Variants in FBXO36 observed in about 807,000 individuals in gnomAD.
FBXO36 encodes F-box protein 36.
Under a neutral mutation model 17.0 loss-of-function variants are expected in FBXO36, and 18 were observed. That is an observed-to-expected ratio of 1.06 (90% CI 0.73 to 1.57). FBXO36 has a LOEUF of 1.57. Among genes scored for constraint, FBXO36 ranks in the 40% most tolerant of loss-of-function variants. The pLI is 0.00. For missense variants in FBXO36, 229 were observed against 221.9 expected, an observed-to-expected ratio of 1.03 and a Z score of -0.20; for synonymous variants, 83 against 85.3, an observed-to-expected ratio of 0.97 and a Z score of 0.15.
chr2:229,962,339 C>CT (rs1049857971), intron 1 of FBXO36, among the ~76,000 whole-genome samples: 10 of 149,878 alleles, frequency 6.7e-5, no homozygotes, highest in East Asian at 1.9e-4. Flanking sequence ...ATCTTTTTTT[C>CT]TTTTTTTTGA....
intron 1 of FBXO36, among the ~76,000 whole-genome samples, chr2:229,950,375 G>A (rs1207302918): frequency 6.6e-6 from 1 of 152,064 alleles, no homozygotes; most frequent in African/African-American, 2.4e-5. Flanking sequence ...GCAGTGAGCC[G>A]AGATCACTCC....
chr2:229,999,773 G>GT (rs1280288271), intron 3 of FBXO36, among the ~76,000 whole-genome samples: 20 of 151,756 alleles, frequency 1.3e-4, no homozygotes, highest in Non-Finnish European at 2.4e-4. Flanking sequence ...ATGTCACAGG[G>GT]TTTTTTTGTA....
intron 1 of FBXO36, among the ~76,000 whole-genome samples, chr2:229,959,128 T>C (rs1389715658): frequency 6.6e-6 from 1 of 152,202 alleles, no homozygotes; most frequent in Non-Finnish European, 1.5e-5. Context: ...GACTTTTTTT[T>C]CTGAATCGTA....
chr2:229,976,149 T>C, intron 1 of FBXO36, 92 bp from the exon 2 acceptor site: 1 of 827,208 alleles, frequency 1.2e-6, no homozygotes, highest in East Asian at 2.6e-5. Flanking sequence ...GTTGGACACA[T>C]AGCCTTATGC....
chr2:229,947,824 T>C (rs2077035400), intron 1 of FBXO36, among the ~76,000 whole-genome samples: 1 of 152,224 alleles, frequency 6.6e-6, no homozygotes. Flanking sequence ...ATCAGTTTTT[T>C]ATAGCTGAGT....
At chr2:229,944,586 C>G (rs1045003216) in intron 1 of FBXO36, among the ~76,000 whole-genome samples, 1 of 123,780 alleles carries the variant, frequency 8.1e-6, no homozygotes, top group Non-Finnish European at 1.6e-5. Flanking sequence ...TATTTTTTTT[C>G]TTTTTCTTTT....
chr2:230,009,873 T>C lies in FBXO36; in HGVS notation c.379-823T>C, dbSNP rs189748376. Reference sequence around the variant, plus strand: ...AAGCAGCAGAATCACTTGAACCCAGTAGGCGGAGGTTGCAGTGAGCCGAGA... The same window carrying C: ...AAGCAGCAGAATCACTTGAACCCAGCAGGCGGAGGTTGCAGTGAGCCGAGA... On this transcript the variant is annotated intron_variant, in intron 3 of 3. Transcript: ENST00000283946. Among the ~76,000 whole-genome samples, 87 of 152,030 alleles carry C rather than the reference T, an allele frequency of 5.7e-4. 2 individuals are homozygous for C. The East Asian group carries it at 0.014, about 24-fold the overall frequency.
chr2:229,934,172 C>T (rs2076952775), intron 1 of FBXO36, among the ~76,000 whole-genome samples: 1 of 151,864 alleles, frequency 6.6e-6, no homozygotes, highest in Non-Finnish European at 1.5e-5. Flanking sequence ...GAGGCTGAGG[C>T]GAGTGGATCA....
intron 2 of FBXO36, among the ~76,000 whole-genome samples, chr2:229,995,113 CA>C (rs928565008): frequency 1.1e-4 from 16 of 142,158 alleles, no homozygotes; most frequent in African/African-American, 1.8e-4. Flanking sequence ...GACTCTGTCT[CA>C]AAAAAAAAAG....
chr2:229,922,743 GA>G (rs1428456133), intron 1 of FBXO36, 134 bp downstream of exon 1: 1 of 853,274 alleles, frequency 1.2e-6, no homozygotes, highest in Admixed American at 2.8e-5. Context: ...CGCGCCGGGA[GA>G]TTTTCCTCGT....
At chr2:229,970,175 A>C (rs2077173595) in intron 1 of FBXO36, among the ~76,000 whole-genome samples, 1 of 152,156 alleles carries the variant, frequency 6.6e-6, no homozygotes, top group African/African-American at 2.4e-5. Context: ...TTTATCCCAG[A>C]GAAATGCAGA....
At chr2:229,924,099 T>C (rs2076888514) in intron 1 of FBXO36, among the ~76,000 whole-genome samples, 1 of 151,496 alleles carries the variant, frequency 6.6e-6, no homozygotes, top group Non-Finnish European at 1.5e-5. Flanking sequence ...GATTTGTTTG[T>C]TTATTTATCG....
At position 229,944,312 on chromosome 2, in the gene FBXO36, G is replaced by C. The variant is rs555736748; in HGVS notation, c.96+21703G>C. Among the ~76,000 whole-genome samples the C allele has an allele frequency of 9.8e-5, 15 of 152,304 alleles. No homozygotes were observed. In the South Asian group the frequency reaches 3.1e-3, roughly 32 times the overall value. On this transcript the variant is annotated intron_variant, in intron 1 of 3. Coordinates refer to ENST00000283946, the MANE Select transcript of FBXO36 (RefSeq NM_174899.5). ...AAATAAAGCTAGCAAACAAAGGAGA[G>C]ATTTGTGTAGACAGCCTAGACAAGT...
intron 3 of FBXO36, among the ~76,000 whole-genome samples, chr2:230,000,363 A>G (rs1447121018): frequency 6.7e-6 from 1 of 148,716 alleles, no homozygotes; most frequent in Non-Finnish European, 1.5e-5. Flanking sequence ...CTCAAAAAAA[A>G]AAAAAAAAAA....
At chr2:230,003,209 T>TAAC (rs2077369456) in intron 3 of FBXO36, among the ~76,000 whole-genome samples, 1 of 104,604 alleles carries the variant, frequency 9.6e-6, no homozygotes, top group Non-Finnish European at 1.9e-5. Flanking sequence ...GACTCCGTCT[T>TAAC]AAAAAAAAAA....
chr2:230,006,277 G>A (rs1368283788), intron 3 of FBXO36, among the ~76,000 whole-genome samples: 2 of 151,940 alleles, frequency 1.3e-5, no homozygotes, highest in African/African-American at 4.8e-5. Flanking sequence ...CGTATTTTTA[G>A]TAGAGGCGGG....
intron 2 of FBXO36, among the ~76,000 whole-genome samples, chr2:229,996,315 T>A (rs941990332): frequency 2.0e-5 from 3 of 151,432 alleles, no homozygotes; most frequent in African/African-American, 7.3e-5. Context: ...CAGCTAAAAT[T>A]AGGAGACAAT....
intron 1 of FBXO36, among the ~76,000 whole-genome samples, chr2:229,949,919 C>A (rs978601931): frequency 3.3e-5 from 5 of 152,120 alleles, no homozygotes; most frequent in African/African-American, 9.7e-5. Context: ...AGCGAGACTC[C>A]GTCTCAAAAC....
At chr2:229,969,966 C>T (rs1370073125) in intron 1 of FBXO36, among the ~76,000 whole-genome samples, 2 of 152,170 alleles carry the variant, frequency 1.3e-5, no homozygotes, top group African/African-American at 4.8e-5. Context: ...TGAGACAGCA[C>T]TACTCACCTA....
Sources: gnomAD v4.1 joint callset for allele counts (sites outside exome capture counted in the v4.1 genomes callset) on GRCh38, gnomAD v4.1.1 for gene constraint, MANE v1.5 for transcripts, NCBI Gene and HGNC (gene_info 2026-07-23, HGNC 2026-07-21) for gene names.